Variants in FSD1 observed in about 807,000 individuals in gnomAD.
The protein encoded by FSD1 is fibronectin type III and SPRY domain containing 1, also known as fibronectin type III and SPRY domain-containing protein 1.
FSD1 carries 23 observed loss-of-function variants against 58.2 expected under a neutral mutation model. That is an observed-to-expected ratio of 0.40 (90% confidence interval 0.28 to 0.56). FSD1 has a LOEUF of 0.56. Among genes scored for constraint, FSD1 ranks in the 20% least tolerant of loss-of-function variants. The pLI, the probability that FSD1 is intolerant of heterozygous loss-of-function variation, is 0.54. For missense variants in FSD1, 563 were observed against 670.8 expected (o/e 0.84, Z 1.78); for synonymous variants, 265 against 263.4 (o/e 1.01, Z -0.06).
Position 4,318,419 on chromosome 19 carries a change from C to T in FSD1, c.873C>T (p.Asp291=), listed in dbSNP as rs376149637. ...LRVDDLSVEW[D]AMGGKVQDIK... ...TGGATGATCTCTCCGTGGAGTGGGA[C>T]GCTATGGGCGGGAAGGTGCAGGATA... The change falls in exon 9 of 13, where the codon GAC becomes GAT. Residue 291 remains aspartate (D), a synonymous_variant. Transcript: ENST00000221856. 5.2e-5 allele frequency: 84 copies of T among 1,613,872 alleles called. No homozygotes were observed. In the South Asian group the frequency reaches 5.7e-4, roughly 11 times the overall value.
chr19:4,306,105 T>C (rs550902581), intron 2 of FSD1, 64 bp downstream of exon 2: 1 of 1,606,430 alleles, frequency 6.2e-7, no homozygotes, highest in African/African-American at 1.3e-5. Context: ...GGTGCAGCCT[T>C]AGGAACTGGC....
At chr19:4,317,974 G>A (rs1971772874) in intron 8 of FSD1, among the ~76,000 whole-genome samples, 1 of 152,130 alleles carries the variant, frequency 6.6e-6, no homozygotes, top group African/African-American at 2.4e-5. Flanking sequence ...CCGAGATTGT[G>A]CCACAGCACT....
chr19:4,316,598 G>A (rs990834273), intron 7 of FSD1, among the ~76,000 whole-genome samples: 1 of 151,972 alleles, frequency 6.6e-6, no homozygotes, highest in African/African-American at 2.4e-5. Context: ...GAGTGCAGTC[G>A]TGCAGTACAA....
intron 10 of FSD1, among the ~76,000 whole-genome samples, chr19:4,322,392 C>A (rs563354040): frequency 2.0e-5 from 3 of 151,578 alleles, no homozygotes; most frequent in Admixed American, 1.3e-4. Context: ...ATAGCTGGAG[C>A]CCAAGGAGTA....
At chr19:4,310,326 C>A (rs760486782) in intron 5 of FSD1, 31 bp downstream of exon 5, 1 of 1,613,546 alleles carries the variant, frequency 6.2e-7, no homozygotes, top group Non-Finnish European at 8.5e-7. Flanking sequence ...CCCCACCCCA[C>A]TACCCTGCCC....
chr19:4,318,145 C>T (rs182309565), intron 8 of FSD1, among the ~76,000 whole-genome samples: 2 of 151,706 alleles, frequency 1.3e-5, no homozygotes, highest in African/African-American at 2.4e-5. Flanking sequence ...CTCCTGTTGT[C>T]CTTCTGCTTG....
At chr19:4,312,276 G>A (rs1380972152) in intron 7 of FSD1, among the ~76,000 whole-genome samples, 1 of 150,430 alleles carries the variant, frequency 6.6e-6, no homozygotes, top group East Asian at 2.0e-4. Flanking sequence ...ATCGCCTGAG[G>A]TCAGGAGTTC....
intron 10 of FSD1, among the ~76,000 whole-genome samples, chr19:4,321,242 G>A (rs1971813751): frequency 6.6e-6 from 1 of 150,422 alleles, no homozygotes. Context: ...TGGGACTGAG[G>A]AGTATCTGGG....
chr19:4,310,825 G>A, intron 6 of FSD1: 1 of 496,188 alleles, frequency 2.0e-6, no homozygotes, highest in Non-Finnish European at 3.6e-6. Context: ...GACATCCTGG[G>A]AAAACTCTGT....
In FSD1 at chr19:4,317,299, T is replaced by TGG; in HGVS notation, c.799+20_799+21insGG. 1.4e-6 allele frequency: 2 copies of TGG among 1,412,116 alleles called. No individual in the cohort carries two copies. The highest frequency in any genetic ancestry group is 2.0e-6 in the Non-Finnish European group (2 of 996,248). 87.5% of individuals were successfully genotyped at this position (1,412,116 alleles called of 1,614,324 possible). On this transcript the variant is annotated intron_variant, in intron 8 of 12. Transcript: ENST00000221856. ...ACACCAGGTGACTGGATTCCACCCT[T>TGG]GTCCTACCCCTAACTCCATGGCCCC...
chr19:4,318,966 AAGAAAGGGGAG>A lies in FSD1; in HGVS notation c.1039+18_1039+28del, dbSNP rs758821860. 59 of 1,607,940 alleles carry A rather than the reference AAGAAAGGGGAG, an allele frequency of 3.7e-5. No homozygotes were observed. Among genetic ancestry groups the A allele is most frequent in the Non-Finnish European group, 4.8e-5 (56 of 1,175,190 alleles). On this transcript the variant is annotated intron_variant, in intron 10 of 12. Transcript: ENST00000221856. ...CACAGTTCTGGGTAAGGAAGGGGAG[AAGAAAGGGGAG>A]AGGGGAGTTTTGGGCAGGGGCCTAA...
At chr19:4,321,659 G>C (rs1420077041) in intron 10 of FSD1, among the ~76,000 whole-genome samples, 1 of 151,850 alleles carries the variant, frequency 6.6e-6, no homozygotes, top group Non-Finnish European at 1.5e-5. Flanking sequence ...AATTACTGGG[G>C]CCCAAGGAGT....
chr19:4,307,286 G>A (rs1282653361), intron 3 of FSD1, among the ~76,000 whole-genome samples: 1 of 151,656 alleles, frequency 6.6e-6, no homozygotes, highest in Non-Finnish European at 1.5e-5. Context: ...GAACTCATGG[G>A]CTCAAGCGAT....
chr19:4,318,632 A>G, intron 9 of FSD1, 127 bp downstream of exon 9: 1 of 890,348 alleles, frequency 1.1e-6, no homozygotes. Flanking sequence ...CAGAGAGGGA[A>G]TGAAGGGAGA....
At chr19:4,322,807 A>G (rs73919835) in intron 10 of FSD1, among the ~76,000 whole-genome samples, 179 bp from the exon 11 acceptor site, 4,044 of 151,188 alleles carry the variant, frequency 0.027, 130 homozygotes, top group African/African-American at 0.078. Context: ...GGGGTACCTG[A>G]GGGGAATAGC....
At chr19:4,318,271 C>G (rs1443345015) in intron 8 of FSD1, 75 bp from the exon 9 acceptor site, 3 of 1,596,682 alleles carry the variant, frequency 1.9e-6, no homozygotes, top group African/African-American at 2.7e-5. Flanking sequence ...CTTGGTCACT[C>G]TCTGTCTCTC....
At chr19:4,311,709 G>C in intron 6 of FSD1, 133 bp from the exon 7 acceptor site, 2 of 690,246 alleles carry the variant, frequency 2.9e-6, no homozygotes. Context: ...TCTCCACCCT[G>C]CCAAACATGG....
At position 4,306,344 on chromosome 19, in the gene FSD1, C is replaced by T; in HGVS notation, c.243+15C>T. 6.2e-7 allele frequency: 1 copy of T among 1,612,784 alleles called. No homozygotes were observed. The highest frequency in any genetic ancestry group is 8.5e-7 in the Non-Finnish European group (1 of 1,179,654). On this transcript the variant is annotated intron_variant, in intron 3 of 12. Transcript: ENST00000221856. The stretch of plus-strand genomic sequence containing the variant: ...ACGAGCTGCAGGTGAGGGCTGAGGG[C>T]ATCTTCCTCTCCCCCCGCCCCTCCT...
At chr19:4,305,825 T>C (rs377130838) in intron 1 of FSD1, 121 bp from the exon 2 acceptor site, 7 of 742,284 alleles carry the variant, frequency 9.4e-6, no homozygotes, top group African/African-American at 8.5e-5. Context: ...TGCGCACGCG[T>C]GTGCATTTAT....
Sources: gnomAD v4.1 joint callset for allele counts (sites outside exome capture counted in the v4.1 genomes callset) on GRCh38, gnomAD v4.1.1 for gene constraint, MANE v1.5 for transcripts, NCBI Gene and HGNC (gene_info 2026-07-23, HGNC 2026-07-21) for gene names.